Variants in PCDHA4 observed in about 807,000 individuals in gnomAD.
The protein encoded by PCDHA4 is protocadherin alpha-4.
PCDHA4 carries 49 observed loss-of-function variants against 61.4 expected under a neutral mutation model. The ratio of observed to expected loss-of-function variants is 0.80; its 90% CI spans 0.63 to 1.01. The LOEUF is 1.01. PCDHA4 is among the 50% of genes least tolerant of loss of function. The pLI, the probability that PCDHA4 is intolerant of heterozygous loss-of-function variation, is 0.00. For missense variants in PCDHA4, 1,254 were observed against 1,235.8 expected (o/e 1.01, Z -0.22); for synonymous variants, 590 against 550.3 (o/e 1.07, Z -1.01).
At chr5:140,977,246 C>T (rs939682133) in intron 1 of PCDHA4, among the ~76,000 whole-genome samples, 1 of 152,172 alleles carries the variant, frequency 6.6e-6, no homozygotes, top group Non-Finnish European at 1.5e-5. Flanking sequence ...AAATTGGCAA[C>T]ATTTCTCAGC....
chr5:140,849,548 T>C, intron 1 of PCDHA4: 1 of 1,598,372 alleles, frequency 6.3e-7, no homozygotes, highest in Non-Finnish European at 8.6e-7. Flanking sequence ...CACAGTTGAC[T>C]ATCAAAACGC....
At chr5:140,826,677 T>TA (rs1447627266) in intron 1 of PCDHA4, among the ~76,000 whole-genome samples, 1 of 152,092 alleles carries the variant, frequency 6.6e-6, no homozygotes, top group Non-Finnish European at 1.5e-5. Context: ...TAGACGTAAT[T>TA]AAAAAAACCC....
chr5:140,818,363 T>A (rs1766341605), intron 1 of PCDHA4, among the ~76,000 whole-genome samples: 1 of 152,260 alleles, frequency 6.6e-6, no homozygotes, highest in Non-Finnish European at 1.5e-5. Flanking sequence ...TTGATTGAAT[T>A]CTTAACTTGA....
chr5:140,857,031 C>T (rs782539359), intron 1 of PCDHA4: 1 of 1,596,318 alleles, frequency 6.3e-7, no homozygotes, highest in Non-Finnish European at 8.6e-7. Flanking sequence ...GGAAACCCAC[C>T]TATGGTTGGT....
chr5:140,911,147 C>T (rs978714342), intron 1 of PCDHA4, among the ~76,000 whole-genome samples: 6 of 152,218 alleles, frequency 3.9e-5, no homozygotes, highest in Non-Finnish European at 8.8e-5. Context: ...GGTTTTTCTC[C>T]TCAGACAAAT....
At chr5:140,993,777 G>A (rs1397168086) in intron 3 of PCDHA4, among the ~76,000 whole-genome samples, 1 of 152,042 alleles carries the variant, frequency 6.6e-6, no homozygotes, top group Non-Finnish European at 1.5e-5. Flanking sequence ...GCAGTATTTT[G>A]TACAGTAACA....
At position 140,808,546 on chromosome 5, in the gene PCDHA4, G is replaced by C; in HGVS notation, c.1359G>C (p.Pro453=). Residue 453 remains proline (P), a synonymous_variant, in exon 1 of 4, where the codon CCG becomes CCC. Coordinates refer to ENST00000530339, the MANE Select transcript of PCDHA4 (RefSeq NM_018907.4). ...VEVADVNDNA[P]AFAQPEYTVF... ...TGGCTGATGTGAACGACAACGCTCCGGCGTTCGCGCAGCCCGAGTACACAG... is the reference window on the plus strand; with the variant it reads ...TGGCTGATGTGAACGACAACGCTCCCGCGTTCGCGCAGCCCGAGTACACAG... The C allele has an allele frequency of 6.2e-7, 1 of 1,614,122 alleles. No individual in the cohort carries two copies. Among genetic ancestry groups the C allele is most frequent in the African/African-American group, 1.3e-5 (1 of 75,068 alleles).
intron 1 of PCDHA4, among the ~76,000 whole-genome samples, chr5:140,925,297 A>G (rs572435227): frequency 6.6e-6 from 1 of 152,246 alleles, no homozygotes; most frequent in Non-Finnish European, 1.5e-5. Context: ...ATGTTTCATT[A>G]TTGGGGCTTT....
intron 1 of PCDHA4, chr5:140,969,258 A>G (rs782513796): frequency 9.3e-6 from 15 of 1,614,106 alleles, no homozygotes; most frequent in Admixed American, 8.3e-5. Context: ...GACAGCAGGA[A>G]TCTCACAGGC....
chr5:140,877,323 C>T (rs782217893), intron 1 of PCDHA4: 2 of 1,613,988 alleles, frequency 1.2e-6, no homozygotes, highest in East Asian at 2.2e-5. Context: ...CGGCGGTCGG[C>T]GCGCACATCC....
intron 1 of PCDHA4, among the ~76,000 whole-genome samples, chr5:140,934,422 A>G (rs2089824417): frequency 1.3e-5 from 2 of 152,176 alleles, no homozygotes; most frequent in South Asian, 2.1e-4. Flanking sequence ...TGCATTATCA[A>G]TGCAAGTGTA....
At chr5:140,905,021 G>A (rs1443702216) in intron 1 of PCDHA4, among the ~76,000 whole-genome samples, 1 of 152,078 alleles carries the variant, frequency 6.6e-6, no homozygotes, top group African/African-American at 2.4e-5. Flanking sequence ...TCTTTTCTAT[G>A]CAGAAGCTTT....
chr5:140,881,318 C>G (rs970806128), intron 1 of PCDHA4: 20 of 977,252 alleles, frequency 2.0e-5, no homozygotes, highest in East Asian at 2.3e-4. Context: ...TGGTTAAATT[C>G]TATTTAACCA....
Position 140,927,144 on chromosome 5 carries a change from A to T in PCDHA4, c.2386-51805A>T, listed in dbSNP as rs116743674. 1.1e-5 allele frequency: 18 copies of T among 1,614,102 alleles called. No individual in the cohort carries two copies. The South Asian group carries it at 1.9e-4, about 17-fold the overall frequency. On this transcript the variant is annotated intron_variant, in intron 1 of 3. Transcript: ENST00000530339. Reference sequence around the variant, plus strand: ...TGGTCAGAGAGCCGGCGGACCGCGAACAGCTGTGCAGGGCCAAAGCTGCCT... The same window carrying T: ...TGGTCAGAGAGCCGGCGGACCGCGATCAGCTGTGCAGGGCCAAAGCTGCCT...
chr5:140,930,197 C>G (rs1417032734), intron 1 of PCDHA4: 1 of 152,080 alleles, frequency 6.6e-6, no homozygotes, highest in African/African-American at 2.4e-5. Flanking sequence ...ATTTTTATGT[C>G]AGAAATATTT....
chr5:140,874,124 T>G (rs926046559), intron 1 of PCDHA4, among the ~76,000 whole-genome samples: 6 of 152,266 alleles, frequency 3.9e-5, no homozygotes, highest in Admixed American at 3.3e-4. Context: ...TTATAGTTTA[T>G]TTAAGTTATC....
chr5:140,989,686 C>T (rs534780216), intron 3 of PCDHA4, among the ~76,000 whole-genome samples: 2 of 152,254 alleles, frequency 1.3e-5, no homozygotes, highest in African/African-American at 4.8e-5. Flanking sequence ...TTCAAAGGAA[C>T]GTGAAAATTT....
At chr5:140,823,497 C>T in intron 1 of PCDHA4, 1 of 1,613,246 alleles carries the variant, frequency 6.2e-7, no homozygotes, top group Non-Finnish European at 8.5e-7. Flanking sequence ...GCACCGGCGG[C>T]GCAGTGAGCG....
intron 1 of PCDHA4, among the ~76,000 whole-genome samples, chr5:140,971,278 ATATTAATATG>A (rs1408088373): frequency 6.6e-6 from 1 of 152,208 alleles, no homozygotes; most frequent in African/African-American, 2.4e-5. Context: ...ACTGACCTGT[ATATTAATATG>A]TACTTTGGTA....
Sources: gnomAD v4.1 joint callset for allele counts (sites outside exome capture counted in the v4.1 genomes callset) on GRCh38, gnomAD v4.1.1 for gene constraint, MANE v1.5 for transcripts, NCBI Gene and HGNC (gene_info 2026-07-23, HGNC 2026-07-21) for gene names.